Variants in CDH12 observed in about 807,000 individuals in gnomAD.
The protein encoded by CDH12 is cadherin-12.
CDH12 carries 41 observed loss-of-function variants against 74.1 expected under a neutral mutation model. The observed-to-expected ratio is 0.55, with a 90% CI of 0.43 to 0.72. The LOEUF (loss-of-function observed/expected upper bound fraction) is 0.72, where lower values mean the gene tolerates loss of function less well. Among genes scored for constraint, CDH12 ranks in the 30% least tolerant of loss-of-function variants. The pLI is 0.00. For synonymous variants in CDH12, 399 were observed against 355.0 expected (o/e 1.12, Z -1.39); for missense variants, 945 against 977.2 (o/e 0.97, Z 0.44).
At chr5:22,579,928 A>G (rs865883274) in intron 1 of CDH12, among the ~76,000 whole-genome samples, 16 of 151,866 alleles carry the variant, frequency 1.1e-4, no homozygotes, top group South Asian at 6.2e-4. Context: ...TTATGCATTG[A>G]CCTCTTCCCC....
In CDH12 at chr5:21,854,723, G is replaced by A. The variant is rs1189125959; in HGVS notation, c.594C>T (p.Val198=). ...GTTGTCCCTGAAGAATGCTGTAAACGACTCTGGCACTGTTTCCATAGGTCG... is the reference window on the plus strand; with the variant it reads ...GTTGTCCCTGAAGAATGCTGTAAACAACTCTGGCACTGTTTCCATAGGTCG... ...DDPTYGNSAR[V]VYSILQGQPY... is the part of the protein sequence containing the mutation. The change falls in exon 7 of 15, where the codon GTC becomes GTT. Residue 198 remains valine (V), a synonymous_variant. Transcript: ENST00000382254. 18 of 1,608,402 alleles carry A rather than the reference G, an allele frequency of 1.1e-5. No homozygotes were observed. The East Asian group carries it at 3.4e-4, about 30-fold the overall frequency.
intron 6 of CDH12, among the ~76,000 whole-genome samples, chr5:21,934,941 C>T (rs1293747352): frequency 6.6e-6 from 1 of 152,162 alleles, no homozygotes; most frequent in Non-Finnish European, 1.5e-5. Context: ...CGCCCGCCAT[C>T]ACGCCCGGCT....
At chr5:22,547,780 T>C (rs931935923) in intron 1 of CDH12, among the ~76,000 whole-genome samples, 2 of 152,148 alleles carry the variant, frequency 1.3e-5, no homozygotes, top group African/African-American at 4.8e-5. Context: ...CTGAACGTAT[T>C]AGGGGAATTT....
chr5:22,846,128 C>A (rs955258724), intron 1 of CDH12, among the ~76,000 whole-genome samples: 1 of 151,862 alleles, frequency 6.6e-6, no homozygotes, highest in Non-Finnish European at 1.5e-5. Flanking sequence ...ACCCTTAGGT[C>A]TTAAGAAATT....
intron 3 of CDH12, among the ~76,000 whole-genome samples, chr5:22,297,676 T>A (rs1487217977): frequency 6.6e-6 from 1 of 152,218 alleles, no homozygotes; most frequent in Non-Finnish European, 1.5e-5. Context: ...GGGATTAAAA[T>A]ATTTTTCAAA....
intron 1 of CDH12, among the ~76,000 whole-genome samples, chr5:22,703,732 G>A (rs897769429): frequency 2.0e-5 from 3 of 152,004 alleles, no homozygotes; most frequent in African/African-American, 7.2e-5. Flanking sequence ...AATGAGTATT[G>A]TGAAAGAGAA....
intron 5 of CDH12, among the ~76,000 whole-genome samples, chr5:22,047,946 C>A (rs1185732653): frequency 6.6e-6 from 1 of 152,168 alleles, no homozygotes; most frequent in Non-Finnish European, 1.5e-5. Context: ...ACTTCTTTTT[C>A]AGTTCACCAA....
At chr5:22,519,981 T>C (rs1010856123) in intron 1 of CDH12, among the ~76,000 whole-genome samples, 7 of 152,052 alleles carry the variant, frequency 4.6e-5, no homozygotes, top group African/African-American at 1.7e-4. Flanking sequence ...TTCTCTCTGG[T>C]TTAAGAGATA....
At chr5:22,586,504 T>TATAA (rs1026099231) in intron 1 of CDH12, among the ~76,000 whole-genome samples, 19 of 147,178 alleles carry the variant, frequency 1.3e-4, no homozygotes, top group African/African-American at 3.7e-4. Context: ...TATATATATA[T>TATAA]AAATAAAAAT....
intron 3 of CDH12, among the ~76,000 whole-genome samples, chr5:22,299,480 A>G (rs1408076621): frequency 1.3e-5 from 2 of 152,232 alleles, no homozygotes; most frequent in Admixed American, 6.5e-5. Flanking sequence ...GTAAATTATT[A>G]TTTAAATCAT....
intron 3 of CDH12, among the ~76,000 whole-genome samples, chr5:22,393,795 T>C (rs1180611566): frequency 6.6e-6 from 1 of 152,098 alleles, no homozygotes; most frequent in Non-Finnish European, 1.5e-5. Flanking sequence ...AAATGCACAA[T>C]GGAGAGGATT....
At chr5:22,361,039 T>C (rs1298770639) in intron 3 of CDH12, among the ~76,000 whole-genome samples, 1 of 152,202 alleles carries the variant, frequency 6.6e-6, no homozygotes, top group African/African-American at 2.4e-5. Context: ...ATGCCCTCTC[T>C]CACCACTCCT....
intron 6 of CDH12, among the ~76,000 whole-genome samples, chr5:21,927,988 C>T (rs984986636): frequency 2.6e-5 from 4 of 151,892 alleles, no homozygotes; most frequent in Non-Finnish European, 4.4e-5. Context: ...AGGAGAATGG[C>T]GTGAACCCGG....
chr5:22,656,601 A>C (rs1296718320), intron 1 of CDH12, among the ~76,000 whole-genome samples: 2 of 152,188 alleles, frequency 1.3e-5, no homozygotes, highest in African/African-American at 4.8e-5. Flanking sequence ...ATTTAAAAAA[A>C]TTTCTTAGTG....
intron 1 of CDH12, among the ~76,000 whole-genome samples, chr5:22,682,159 G>C (rs1741528570): frequency 6.6e-6 from 1 of 151,994 alleles, no homozygotes; most frequent in African/African-American, 2.4e-5. Flanking sequence ...CAATGTGCTA[G>C]AACTTGTTCA....
intron 1 of CDH12, among the ~76,000 whole-genome samples, chr5:22,607,381 T>C (rs1737171158): frequency 6.6e-6 from 1 of 152,164 alleles, no homozygotes; most frequent in Non-Finnish European, 1.5e-5. Context: ...AGAGTTTTAA[T>C]TGGACTTACA....
intron 3 of CDH12, among the ~76,000 whole-genome samples, chr5:22,303,059 A>T (rs1737959503): frequency 6.6e-6 from 1 of 152,176 alleles, no homozygotes; most frequent in Admixed American, 6.5e-5. Context: ...AGGCAAAAAA[A>T]ATGTGGGTGC....
chr5:22,340,505 A>G (rs1432171465), intron 3 of CDH12, among the ~76,000 whole-genome samples: 1 of 149,614 alleles, frequency 6.7e-6, no homozygotes, highest in Non-Finnish European at 1.5e-5. Context: ...CAGCCTGGGC[A>G]ACAGAAGGAG....
chr5:22,740,260 A>T (rs147064328), intron 1 of CDH12, among the ~76,000 whole-genome samples: 1 of 152,046 alleles, frequency 6.6e-6, no homozygotes, highest in South Asian at 2.1e-4. Flanking sequence ...CATAACGTGG[A>T]TCTTACTAGC....
Sources: allele counts gnomAD v4.1 joint callset (sites outside exome capture counted in the v4.1 genomes callset), GRCh38; gene constraint gnomAD v4.1.1; transcripts MANE v1.5; gene names NCBI Gene and HGNC (gene_info 2026-07-23, HGNC 2026-07-21).